Variants in MCF2 observed in about 807,000 individuals in gnomAD.
The protein encoded by MCF2 is MCF.2 cell line derived transforming sequence.
Under a neutral mutation model 82.5 loss-of-function variants are expected in MCF2, and 44 were observed. The observed-to-expected ratio is 0.53, with a 90% CI of 0.42 to 0.69. MCF2 has a LOEUF of 0.69. MCF2 is among the 30% of genes least tolerant of loss of function. MCF2 has a pLI of 0.00. For synonymous variants in MCF2, 217 were observed against 224.9 expected (o/e 0.96, Z 0.32); for missense variants, 623 against 663.1 (o/e 0.94, Z 0.66).
intron 1 of MCF2, among the ~76,000 whole-genome samples, chrX:139,687,444 TAGA>T (rs1414379565): frequency 7.1e-5 from 8 of 113,314 alleles, no homozygotes; most frequent in Non-Finnish European, 1.1e-4. Flanking sequence ...AGCCATCAGA[TAGA>T]AGGCATCTCT....
chrX:139,639,829 A>G (rs893872080), intron 1 of MCF2, among the ~76,000 whole-genome samples: 1 of 112,051 alleles, frequency 8.9e-6, no homozygotes. Flanking sequence ...TACTTACTAT[A>G]AAAATAATTT....
At chrX:139,596,900 C>G (rs2069517503) in intron 18 of MCF2, 130 bp from the exon 23 acceptor site, 1 of 479,244 alleles carries the variant, frequency 2.1e-6, no homozygotes, top group Non-Finnish European at 3.5e-6. Flanking sequence ...AAAAACTTAA[C>G]TTTGTATGTT....
chrX:139,590,482 T>C (rs1001153451), intron 19 of MCF2, among the ~76,000 whole-genome samples: 2 of 110,201 alleles, frequency 1.8e-5, no homozygotes, highest in Non-Finnish European at 3.8e-5. Context: ...AAAAAAATAA[T>C]AATAATAATA....
exon 17 of MCF2, chrX:139,598,482 A>G (rs1297475353): frequency 2.7e-6 from 3 of 1,126,778 alleles, no homozygotes; most frequent in Non-Finnish European, 3.5e-6. Flanking sequence ...TCTGTGTTTT[A>G]ACTTTCTTTG....
chrX:139,642,529 C>G (rs775515900), exon 1 of MCF2: 34 of 1,208,682 alleles, frequency 2.8e-5, no homozygotes, highest in Non-Finnish European at 3.8e-5. Context: ...TTCGCCTGTA[C>G]GCAATTACAC....
intron 6 of MCF2, among the ~76,000 whole-genome samples, chrX:139,620,027 G>GTGTA (rs1308473149): frequency 2.1e-4 from 21 of 100,403 alleles, no homozygotes; most frequent in African/African-American, 7.7e-4. Context: ...GTGTGTGTGT[G>GTGTA]TATATATATA....
rs143656851 is a variant in MCF2 at position 139,669,653 on chromosome X, A to G, written c.-44-17865T>C. 6.4e-3 allele frequency among the ~76,000 whole-genome samples: 720 copies of G among 112,462 alleles called. 9 individuals are homozygous for G. The highest frequency in any genetic ancestry group is 0.022 in the African/African-American group (681 of 31,005). On this transcript the variant is annotated intron_variant, in intron 1 of 27. Coordinates refer to the MCF2 transcript ENST00000414978. ...AAAGGTGGAAATAACTCAAATATCCATTAACTGTAGAATGGGTAAACAAAA... is the reference window on the plus strand; with the variant it reads ...AAAGGTGGAAATAACTCAAATATCCGTTAACTGTAGAATGGGTAAACAAAA...
At position 139,582,476 on chromosome X, in the gene MCF2, A is replaced by G. The variant is rs148114792; in HGVS notation, c.2773T>C (p.Tyr925His). ...CATTTGACATAGTAGCTTCATCAAT[A>G]TAGGAGAGCCATCTCCGACACAGGT... The change falls in exon 25 of 25, where the codon TAT becomes CAT. Residue 925 changes from tyrosine to histidine, a missense_variant. Tyr to His is a moderately conservative substitution (Grantham distance 83). Coordinates refer to ENST00000370576, the Ensembl canonical transcript of MCF2. The G allele has an allele frequency of 4.0e-5, 48 of 1,208,013 alleles. No homozygotes were observed. The African/African-American group carries it at 8.0e-4, about 20-fold the overall frequency.
chrX:139,631,279 G>A (rs977280317), intron 3 of MCF2, 116 bp downstream of exon 6: 2 of 416,701 alleles, frequency 4.8e-6, no homozygotes, highest in Non-Finnish European at 8.1e-6. Flanking sequence ...CAGAAAGCTG[G>A]GGTTTTTTTG....
chrX:139,649,402 T>C (rs1480577871), intron 2 of MCF2, among the ~76,000 whole-genome samples: 13 of 111,664 alleles, frequency 1.2e-4, no homozygotes, highest in Non-Finnish European at 2.3e-4. Flanking sequence ...AGATACAGTA[T>C]GGTATAGAAC....
intron 17 of MCF2, among the ~76,000 whole-genome samples, chrX:139,597,906 G>T (rs1015023021): frequency 9.0e-6 from 1 of 111,293 alleles, no homozygotes; most frequent in Admixed American, 9.6e-5. Context: ...ACAGTAATTT[G>T]TTTTAGCCAT....
intron 1 of MCF2, among the ~76,000 whole-genome samples, chrX:139,664,368 T>C (rs1234570190): frequency 8.9e-6 from 1 of 112,081 alleles, no homozygotes; most frequent in Non-Finnish European, 1.9e-5. Flanking sequence ...ATCTGATATA[T>C]GTACAGCTAT....
chrX:139,605,749 C>T, exon 13 of MCF2: 1 of 1,202,234 alleles, frequency 8.3e-7, no homozygotes, highest in Non-Finnish European at 1.1e-6. Context: ...CATAAACTCT[C>T]TCAGTCTGTA....
chrX:139,642,460 G>GC (rs775147854), intron 1 of MCF2: 1 of 1,209,787 alleles, frequency 8.3e-7, no homozygotes, highest in African/African-American at 1.7e-5. Flanking sequence ...TGCAGACAGA[G>GC]CCCTTACCGC....
intron 16 of MCF2, among the ~76,000 whole-genome samples, chrX:139,600,142 T>C (rs1002047732): frequency 9.0e-6 from 1 of 111,154 alleles, no homozygotes; most frequent in African/African-American, 3.3e-5. Context: ...GGATGCAGAT[T>C]AGTGATTGCC....
intron 1 of MCF2, among the ~76,000 whole-genome samples, chrX:139,634,438 C>G (rs1347290581): frequency 9.0e-6 from 1 of 111,538 alleles, no homozygotes; most frequent in Non-Finnish European, 1.9e-5. Flanking sequence ...AACATAGACT[C>G]TTTGGGAAAT....
intron 1 of MCF2, among the ~76,000 whole-genome samples, chrX:139,663,898 C>T (rs1263197640): frequency 2.7e-5 from 3 of 110,275 alleles, no homozygotes; most frequent in Non-Finnish European, 5.7e-5. Flanking sequence ...GCTGGATTGA[C>T]CAATTAATTA....
intron 19 of MCF2, 134 bp from the exon 24 acceptor site, chrX:139,590,061 T>C (rs1929362245): frequency 4.7e-6 from 2 of 421,365 alleles, no homozygotes; most frequent in African/African-American, 5.1e-5. Context: ...TAAATGAATA[T>C]GAAATAGTAA....
chrX:139,626,365 T>C (rs1932761043), intron 5 of MCF2, 58 bp from the exon 9 acceptor site: 1 of 728,710 alleles, frequency 1.4e-6, no homozygotes, highest in Non-Finnish European at 2.1e-6. Flanking sequence ...TGTAAGTATG[T>C]AGATAAGTGT....
Sources: gnomAD v4.1 joint callset for allele counts (sites outside exome capture counted in the v4.1 genomes callset) on GRCh38, gnomAD v4.1.1 for gene constraint, MANE v1.5 for transcripts, NCBI Gene and HGNC (gene_info 2026-07-23, HGNC 2026-07-21) for gene names.